The following PLS3 variants were observed in gnomAD, a reference collection of about 807,000 sequenced individuals.
PLS3 encodes plastin 3.
Under a neutral mutation model 46.5 loss-of-function variants are expected in PLS3, and 11 were observed. The observed-to-expected ratio is 0.24, with a 90% confidence interval of 0.15 to 0.39. PLS3 has a LOEUF of 0.39. Ranked by LOEUF, PLS3 falls within the 10% of genes least tolerant of loss-of-function variation. PLS3 has a pLI of 1.00. For missense variants in PLS3, 308 were observed against 461.8 expected (o/e 0.67, Z 3.05); for synonymous variants, 167 against 162.2 (o/e 1.03, Z -0.22).
At chrX:115,632,923 A>G (rs781939691) in intron 5 of PLS3, among the ~76,000 whole-genome samples, 1 of 109,329 alleles carries the variant, frequency 9.1e-6, no homozygotes, top group Admixed American at 9.9e-5. Context: ...TTTTGCAGAG[A>G]TGGGGTTTCA....
In PLS3 at chrX:115,598,979, A is replaced by G. The variant is rs376748212; in HGVS notation, c.-8-11264A>G. On this transcript the variant is annotated intron_variant, in intron 1 of 15. Coordinates refer to ENST00000355899, the MANE Select transcript of PLS3 (RefSeq NM_005032.7). ...ATACAATTAAAGTTTTGGTTATTTT[A>G]GTTCAAGGCTTAAGTGAATCCCTTA... Among the ~76,000 whole-genome samples, 20 of 111,842 alleles carry G rather than the reference A, an allele frequency of 1.8e-4. No individual in the cohort carries two copies. The South Asian group carries it at 4.1e-3, about 23-fold the overall frequency.
chrX:115,572,500 T>G (rs1163176326), intron 1 of PLS3, among the ~76,000 whole-genome samples: 2 of 111,372 alleles, frequency 1.8e-5, no homozygotes, highest in Admixed American at 1.9e-4. Context: ...TATAGACCAT[T>G]GGTAAATAGA....
At chrX:115,614,388 A>G in intron 2 of PLS3, 1 of 752,901 alleles carries the variant, frequency 1.3e-6, no homozygotes, top group Non-Finnish European at 1.6e-6. Context: ...CTCACCCTCT[A>G]AACTTGTCCA....
chrX:115,599,161 C>T (rs1266728684), intron 1 of PLS3, among the ~76,000 whole-genome samples: 7 of 109,229 alleles, frequency 6.4e-5, no homozygotes, highest in Admixed American at 2.0e-4. Context: ...TGGACCTTCT[C>T]TCTGCAAAGC....
In PLS3 at chrX:115,568,465, C is replaced by T. The variant is rs782390413; in HGVS notation, c.-9+7205C>T. Among the ~76,000 whole-genome samples the T allele has an allele frequency of 1.4e-4, 16 of 111,868 alleles. No homozygotes were observed. In the South Asian group the frequency reaches 3.7e-3, roughly 26 times the overall value. The stretch of plus-strand genomic sequence containing the variant: ...CATTTATTACATTATAAACATGTTT[C>T]CAAGTGATCAAATATTTTTAAAAAT... On this transcript the variant is annotated intron_variant, in intron 1 of 15. Transcript: ENST00000355899.
chrX:115,629,181 ATTACT>A lies in PLS3; in HGVS notation c.238-13_238-9del. 1 of 1,092,007 alleles carries A rather than the reference ATTACT, an allele frequency of 9.2e-7. No homozygotes were observed. The allele number at this position is 1,092,007 out of a possible 1,213,427, so 90.0% of individuals were successfully genotyped here. ...TTGAAATTAATTGTGAATCAACAAAATTACTTTAATTAATAGATTTTTCAAGAGGT... is the reference window on the plus strand; with the variant it reads ...TTGAAATTAATTGTGAATCAACAAAATTAATTAATAGATTTTTCAAGAGGT... On this transcript the variant is annotated splice_polypyrimidine_tract_variant and intron_variant, in intron 3 of 15. Transcript: ENST00000355899.
intron 9 of PLS3, 137 bp from the exon 10 acceptor site, chrX:115,643,173 TGCA>T: frequency 4.5e-6 from 2 of 441,438 alleles, no homozygotes; most frequent in Non-Finnish European, 3.9e-6. Flanking sequence ...CCTTTTTTTT[TGCA>T]TTCAAAACAA....
chrX:115,644,129 C>T (rs2398593), intron 10 of PLS3, among the ~76,000 whole-genome samples: 13,728 of 110,777 alleles, frequency 0.12, 1,402 homozygotes, highest in African/African-American at 0.34. Flanking sequence ...GTAAATTTAG[C>T]ATATATTTAT....
chrX:115,586,536 A>C lies in PLS3; in HGVS notation c.-8-23707A>C, dbSNP rs74628568. On this transcript the variant is annotated intron_variant, in intron 1 of 15. Coordinates refer to ENST00000355899, the MANE Select transcript of PLS3 (RefSeq NM_005032.7). Reference sequence around the variant, plus strand: ...ATACAAAAAAAAAAAAAAAATAGCCATGTGTGGTGGCAGGTGCCTGTAGTC... The same window carrying C: ...ATACAAAAAAAAAAAAAAAATAGCCCTGTGTGGTGGCAGGTGCCTGTAGTC... Among the ~76,000 whole-genome samples the C allele has an allele frequency of 2.9e-4, 30 of 103,060 alleles. No individual in the cohort carries two copies. In the East Asian group the frequency reaches 9.6e-3, roughly 33 times the overall value. 89.5% of individuals were successfully genotyped at this position (103,060 alleles called of 115,157 possible).
At chrX:115,600,292 A>ATT (rs781937984) in intron 1 of PLS3, among the ~76,000 whole-genome samples, 1 of 99,486 alleles carries the variant, frequency 1.0e-5, no homozygotes, top group African/African-American at 3.7e-5. Context: ...GGCTGATTTA[A>ATT]TTTTTTTTTT....
chrX:115,574,859 G>A (rs1309031359), intron 1 of PLS3, among the ~76,000 whole-genome samples: 2 of 112,395 alleles, frequency 1.8e-5, no homozygotes, highest in African/African-American at 6.5e-5. Flanking sequence ...GATTATAGGC[G>A]TGAGCCACCG....
chrX:115,612,088 A>G (rs1329282254), intron 2 of PLS3, among the ~76,000 whole-genome samples: 1 of 111,580 alleles, frequency 9.0e-6, no homozygotes, highest in African/African-American at 3.3e-5. Flanking sequence ...AGTATCTAGC[A>G]TAGTGTTGCA....
chrX:115,621,835 T>C (rs2074658458), intron 2 of PLS3, among the ~76,000 whole-genome samples: 1 of 112,179 alleles, frequency 8.9e-6, no homozygotes, highest in African/African-American at 3.2e-5. Flanking sequence ...ATATAAGTTC[T>C]TTTTGGAGCA....
chrX:115,623,972 G>C lies in PLS3; in HGVS notation c.237+1563G>C, dbSNP rs113168065. ...CGGCCGGGCACGGTGGCTCACGCCTGTAATCCCAGCACTTTGGGAGGCCAA... is the reference window on the plus strand; with the variant it reads ...CGGCCGGGCACGGTGGCTCACGCCTCTAATCCCAGCACTTTGGGAGGCCAA... On this transcript the variant is annotated intron_variant, in intron 3 of 15. Coordinates refer to ENST00000355899, the MANE Select transcript of PLS3 (RefSeq NM_005032.7). 5.5e-3 allele frequency among the ~76,000 whole-genome samples: 614 copies of C among 112,322 alleles called. 2 individuals are homozygous for C. Among genetic ancestry groups the C allele is most frequent in the African/African-American group, 0.019 (578 of 30,988 alleles).
At chrX:115,605,205 G>A (rs782734653) in intron 1 of PLS3, among the ~76,000 whole-genome samples, 2 of 111,645 alleles carry the variant, frequency 1.8e-5, no homozygotes, top group South Asian at 3.8e-4. Flanking sequence ...CTGGAAATAC[G>A]GTTTTAAGGA....
chrX:115,587,445 A>C (rs1441803721), intron 1 of PLS3, among the ~76,000 whole-genome samples: 1 of 112,242 alleles, frequency 8.9e-6, no homozygotes, highest in Non-Finnish European at 1.9e-5. Context: ...TTTTAAAAAT[A>C]GAAAACCAGG....
chrX:115,601,146 T>C (rs1556634541), intron 1 of PLS3, among the ~76,000 whole-genome samples: 1 of 109,760 alleles, frequency 9.1e-6, no homozygotes, highest in Non-Finnish European at 1.9e-5. Context: ...TGAAGAGCAT[T>C]CCACTGGAGA....
chrX:115,566,674 G>T (rs1312018211), intron 1 of PLS3, among the ~76,000 whole-genome samples: 1 of 105,622 alleles, frequency 9.5e-6, no homozygotes, highest in Non-Finnish European at 1.9e-5. Flanking sequence ...ACCGCGCCCG[G>T]CCCGTTTTGT....
At chrX:115,596,437 A>G (rs2074389702) in intron 1 of PLS3, among the ~76,000 whole-genome samples, 1 of 111,894 alleles carries the variant, frequency 8.9e-6, no homozygotes, top group Non-Finnish European at 1.9e-5. Context: ...TGGAGGAGAT[A>G]GAGAAAGAAA....
Sources: gnomAD v4.1 joint callset for allele counts (sites outside exome capture counted in the v4.1 genomes callset) on GRCh38, gnomAD v4.1.1 for gene constraint, MANE v1.5 for transcripts, NCBI Gene and HGNC (gene_info 2026-07-23, HGNC 2026-07-21) for gene names.